The following CHRM3 variants were observed in gnomAD, a reference collection of about 807,000 sequenced individuals.
The protein encoded by CHRM3 is cholinergic receptor muscarinic 3.
A neutral mutation model predicts 41.8 loss-of-function variants in CHRM3; 11 were observed. That is an observed-to-expected ratio of 0.26 (90% confidence interval 0.17 to 0.44). The LOEUF (loss-of-function observed/expected upper bound fraction) is 0.44, where lower values mean the gene tolerates loss of function less well. Among genes scored for constraint, CHRM3 ranks in the 20% least tolerant of loss-of-function variants. The pLI is 1.00. For synonymous variants in CHRM3, 297 were observed against 301.4 expected (o/e 0.99, Z 0.15); for missense variants, 571 against 745.4 (o/e 0.77, Z 2.72).
Position 239,844,926 on chromosome 1 carries a change from G to A in CHRM3, c.-20+17548G>A, listed in dbSNP as rs528756759. 2.0e-5 allele frequency among the ~76,000 whole-genome samples: 3 copies of A among 152,242 alleles called. No individual in the cohort carries two copies. The East Asian group carries it at 5.8e-4, about 29-fold the overall frequency. ...AGAAGACGGCCAGAACTTTGTACAT[G>A]GAATGCAGTGTGAACTAAGGAAAGA... On this transcript the variant is annotated intron_variant, in intron 6 of 6. Transcript: ENST00000676153.
At chr1:239,786,354 G>T (rs1413693272) in intron 5 of CHRM3, among the ~76,000 whole-genome samples, 1 of 151,998 alleles carries the variant, frequency 6.6e-6, no homozygotes, top group East Asian at 1.9e-4. Context: ...TGTGTGCCAG[G>T]CACCATTCTA....
intron 6 of CHRM3, among the ~76,000 whole-genome samples, chr1:239,839,946 A>G (rs1339336589): frequency 6.6e-6 from 1 of 152,230 alleles, no homozygotes; most frequent in African/African-American, 2.4e-5. Context: ...TGCCTGGTGC[A>G]GGCTGCATCC....
At chr1:239,532,422 T>C (rs1657705532) in intron 2 of CHRM3, among the ~76,000 whole-genome samples, 1 of 150,202 alleles carries the variant, frequency 6.7e-6, no homozygotes, top group African/African-American at 2.4e-5. Flanking sequence ...GGTCAACAGA[T>C]CGAGACCATC....
intron 1 of CHRM3, among the ~76,000 whole-genome samples, chr1:239,488,299 C>T (rs1007964643): frequency 6.6e-6 from 1 of 152,100 alleles, no homozygotes; most frequent in Non-Finnish European, 1.5e-5. Context: ...GGAATGATTT[C>T]CTACTTATGT....
chr1:239,877,491 G>A (rs971175610), intron 6 of CHRM3, among the ~76,000 whole-genome samples: 1 of 152,108 alleles, frequency 6.6e-6, no homozygotes, highest in Non-Finnish European at 1.5e-5. Context: ...AACCCTAACT[G>A]GTGAATAATA....
At chr1:239,406,076 G>A (rs1660572575) in intron 1 of CHRM3, among the ~76,000 whole-genome samples, 1 of 152,076 alleles carries the variant, frequency 6.6e-6, no homozygotes, top group Non-Finnish European at 1.5e-5. Context: ...ATTTTTAGTT[G>A]AGAAGGGGTT....
chr1:239,549,765 A>G (rs1367838245), intron 3 of CHRM3, among the ~76,000 whole-genome samples: 2 of 151,878 alleles, frequency 1.3e-5, no homozygotes, highest in Admixed American at 1.3e-4. Context: ...AAGCAGAATG[A>G]CGCATTTCAT....
intron 3 of CHRM3, among the ~76,000 whole-genome samples, chr1:239,553,155 A>G (rs1206137134): frequency 6.6e-6 from 1 of 152,120 alleles, no homozygotes; most frequent in African/African-American, 2.4e-5. Context: ...AATGATTTCC[A>G]AAGACTTTGT....
intron 4 of CHRM3, among the ~76,000 whole-genome samples, chr1:239,640,683 T>A (rs1302309295): frequency 2.0e-5 from 3 of 150,678 alleles, no homozygotes; most frequent in Non-Finnish European, 4.4e-5. Context: ...TTGCTAGCAG[T>A]CTATCAATTT....
At chr1:239,527,964 G>A (rs1364120035) in intron 2 of CHRM3, among the ~76,000 whole-genome samples, 1 of 151,904 alleles carries the variant, frequency 6.6e-6, no homozygotes, top group African/African-American at 2.4e-5. Flanking sequence ...ATGATGACAT[G>A]CATTTTATTT....
chr1:239,611,958 T>C (rs978105176), intron 3 of CHRM3, among the ~76,000 whole-genome samples: 10 of 152,226 alleles, frequency 6.6e-5, no homozygotes, highest in Non-Finnish European at 1.3e-4. Context: ...TTCTAACTTA[T>C]GTAAATGAGT....
intron 1 of CHRM3, among the ~76,000 whole-genome samples, chr1:239,486,476 CT>C (rs1424962628): frequency 6.6e-6 from 1 of 152,134 alleles, no homozygotes; most frequent in Non-Finnish European, 1.5e-5. Context: ...GAGTTCTTTT[CT>C]GTCTGTGGGA....
intron 5 of CHRM3, among the ~76,000 whole-genome samples, chr1:239,744,055 C>T (rs1189923273): frequency 1.3e-5 from 2 of 150,562 alleles, no homozygotes; most frequent in African/African-American, 4.9e-5. Context: ...AGAAATCCTT[C>T]CACCTAGGCC....
intron 6 of CHRM3, among the ~76,000 whole-genome samples, chr1:239,855,011 C>T (rs1218000526): frequency 3.9e-5 from 6 of 152,150 alleles, no homozygotes; most frequent in Non-Finnish European, 7.4e-5. Context: ...AGTGATTTAA[C>T]AGCCTTATTA....
At position 239,404,538 on chromosome 1, in the gene CHRM3, A is replaced by G. The variant is rs369498031; in HGVS notation, c.-521+17311A>G. On this transcript the variant is annotated intron_variant, in intron 1 of 6. Coordinates refer to ENST00000676153, the MANE Select transcript of CHRM3 (RefSeq NM_001375978.1). ...AATAGCATGGATTGGCAAGGAGTAC[A>G]TTATCTCAGGTCATTCTCTCTGGTA... Among the ~76,000 whole-genome samples, 109 of 150,802 alleles carry G rather than the reference A, an allele frequency of 7.2e-4. 1 individual carries two copies. The East Asian group carries it at 0.021, about 29-fold the overall frequency.
chr1:239,531,355 T>A (rs982967020), intron 2 of CHRM3, among the ~76,000 whole-genome samples: 2 of 152,134 alleles, frequency 1.3e-5, no homozygotes. Flanking sequence ...ACTCTTAAAA[T>A]ATGGCCAGGA....
At chr1:239,425,109 A>G (rs993980448) in intron 1 of CHRM3, among the ~76,000 whole-genome samples, 12 of 152,204 alleles carry the variant, frequency 7.9e-5, no homozygotes, top group African/African-American at 2.9e-4. Context: ...ACAGTGGTTC[A>G]CACAAAAAAT....
chr1:239,630,401 A>G (rs1413565562), intron 3 of CHRM3, among the ~76,000 whole-genome samples: 1 of 152,206 alleles, frequency 6.6e-6, no homozygotes, highest in African/African-American at 2.4e-5. Flanking sequence ...TACTATGCAC[A>G]AGACAGTGGG....
chr1:239,858,854 T>C (rs1197569036), intron 6 of CHRM3, among the ~76,000 whole-genome samples: 1 of 152,232 alleles, frequency 6.6e-6, no homozygotes, highest in Non-Finnish European at 1.5e-5. Context: ...TAGAATTGTA[T>C]AGTATGTGAC....
Sources: gnomAD v4.1 joint callset for allele counts (sites outside exome capture counted in the v4.1 genomes callset) on GRCh38, gnomAD v4.1.1 for gene constraint, MANE v1.5 for transcripts, NCBI Gene and HGNC (gene_info 2026-07-23, HGNC 2026-07-21) for gene names.